The following NSF variants were observed in gnomAD, a reference collection of about 807,000 sequenced individuals.
NSF encodes the protein vesicle-fusing ATPase.
NSF carries 14 observed loss-of-function variants against 50.3 expected under a neutral mutation model. That is an observed-to-expected ratio of 0.28 (90% CI 0.18 to 0.44). The LOEUF (loss-of-function observed/expected upper bound fraction) is 0.44, where lower values mean the gene tolerates loss of function less well. Ranked by LOEUF, NSF falls within the 20% of genes least tolerant of loss-of-function variation. The pLI is 1.00. For synonymous variants in NSF, 109 were observed against 175.7 expected, an observed-to-expected ratio of 0.62 and a Z score of 3.00; for missense variants, 218 against 504.3, an observed-to-expected ratio of 0.43 and a Z score of 5.44.
Position 46,640,360 on chromosome 17 carries a change from ATAT to A in NSF, c.513+202_513+204del, listed in dbSNP as rs894263720. ...TAAAATGTATTTATTTGCAGACCTAATATTAATGTAAAATGTAGACGTATATGT... is the reference window on the plus strand; with the variant it reads ...TAAAATGTATTTATTTGCAGACCTAATAATGTAAAATGTAGACGTATATGT... On this transcript the variant is annotated intron_variant, in intron 6 of 20. Transcript: ENST00000398238. Among the ~76,000 whole-genome samples the A allele has an allele frequency of 1.9e-4, 24 of 123,972 alleles. 7 individuals carry two copies. Among genetic ancestry groups the A allele is most frequent in the African/African-American group, 7.8e-4 (24 of 30,782 alleles). 81.3% of individuals were successfully genotyped at this position (123,972 alleles called of 152,430 possible).
intron 16 of NSF, 88 bp from the exon 17 acceptor site, chr17:46,728,767 T>C: frequency 2.2e-6 from 2 of 904,232 alleles, no homozygotes; most frequent in East Asian, 5.1e-5. Context: ...GTGTTTACTT[T>C]TGATGCAAAA....
At chr17:46,738,933 C>T (rs1350957955) in intron 17 of NSF, among the ~76,000 whole-genome samples, 1 of 151,230 alleles carries the variant, frequency 6.6e-6, no homozygotes, top group Non-Finnish European at 1.5e-5. Context: ...AAAACCCCAT[C>T]TCTACTAAAA....
chr17:46,635,805 G>GTGTGTGTGTGTGTC (rs2058181612), intron 4 of NSF, among the ~76,000 whole-genome samples: 2 of 142,180 alleles, frequency 1.4e-5, no homozygotes, highest in Non-Finnish European at 3.2e-5. Flanking sequence ...GTGTGTGTGT[G>GTGTGTGTGTGTGTC]TGTGTGTGTG....
intron 13 of NSF, among the ~76,000 whole-genome samples, chr17:46,709,729 A>G (rs2097133982): frequency 6.6e-6 from 1 of 152,024 alleles, no homozygotes; most frequent in East Asian, 1.9e-4. Context: ...TCCATACCTC[A>G]GGTGATCCAC....
At chr17:46,746,024 C>T (rs2059124202) in intron 17 of NSF, among the ~76,000 whole-genome samples, 1 of 152,184 alleles carries the variant, frequency 6.6e-6, no homozygotes, top group African/African-American at 2.4e-5. Context: ...CCAGAAAAAG[C>T]TTTCTCTGCC....
rs1287657976 is a variant in NSF at position 46,675,649 on chromosome 17, C to A, written c.945+1036C>A. On this transcript the variant is annotated intron_variant, in intron 9 of 20. Transcript: ENST00000398238. Reference sequence around the variant, plus strand: ...TTATCATAAGGAAAACACACACACACACACACACACACACGAACATTCTAT... The same window carrying A: ...TTATCATAAGGAAAACACACACACAAACACACACACACACGAACATTCTAT... 8.8e-5 allele frequency among the ~76,000 whole-genome samples: 12 copies of A among 136,772 alleles called. 2 individuals carry two copies. Among genetic ancestry groups the A allele is most frequent in the African/African-American group, 3.2e-4 (11 of 34,160 alleles). 89.7% of individuals were successfully genotyped at this position (136,772 alleles called of 152,430 possible). A position where few individuals can be genotyped will look rare whatever the true frequency, so the allele number is the denominator to read the frequency against.
chr17:46,746,285 T>G (rs920484460), intron 17 of NSF, among the ~76,000 whole-genome samples: 1 of 152,266 alleles, frequency 6.6e-6, no homozygotes, highest in African/African-American at 2.4e-5. Context: ...CGCAGTCATC[T>G]GTTAAGCTAA....
Position 46,731,037 on chromosome 17 carries a change from G to A in NSF, c.1908+2103G>A, listed in dbSNP as rs1251187465. The stretch of plus-strand genomic sequence containing the variant: ...TATTCCACCAAGTATACACCTACAA[G>A]CAATGAAAAACATATGTCCACATGA... On this transcript the variant is annotated intron_variant, in intron 17 of 20. Coordinates refer to ENST00000398238, the MANE Select transcript of NSF (RefSeq NM_006178.4). 2.0e-5 allele frequency among the ~76,000 whole-genome samples: 3 copies of A among 151,956 alleles called. No individual in the cohort carries two copies. In the South Asian group the frequency reaches 6.2e-4, roughly 31 times the overall value.
At chr17:46,725,941 C>T (rs2058885116) in intron 15 of NSF, among the ~76,000 whole-genome samples, 1 of 152,170 alleles carries the variant, frequency 6.6e-6, no homozygotes, top group South Asian at 2.1e-4. Flanking sequence ...TACATCCTTG[C>T]CAGGCTAAAA....
chr17:46,625,909 C>T (rs1390684014), intron 2 of NSF, among the ~76,000 whole-genome samples: 1 of 122,054 alleles, frequency 8.2e-6, no homozygotes. Context: ...AAAAAAGATA[C>T]TGCTGCTGCA....
At chr17:46,729,093 A>G (rs2058922446) in intron 17 of NSF, among the ~76,000 whole-genome samples, 159 bp downstream of exon 17, 1 of 152,180 alleles carries the variant, frequency 6.6e-6, no homozygotes, top group Non-Finnish European at 1.5e-5. Flanking sequence ...TGTTTAAGGT[A>G]AATTATTTTA....
Position 46,728,839 on chromosome 17 carries a change from A to T in NSF, c.1829-16A>T. On this transcript the variant is annotated splice_polypyrimidine_tract_variant and intron_variant, in intron 16 of 20. Coordinates refer to ENST00000398238, the MANE Select transcript of NSF (RefSeq NM_006178.4). ...TGTGTATCAAATCCCTAAACATAAT[A>T]ATGTTTCTTTTCCAGATTACGTCCC... is the stretch of plus-strand genomic sequence containing the variant. 1 of 1,550,362 alleles carries T rather than the reference A, an allele frequency of 6.5e-7. No individual in the cohort carries two copies. The highest frequency in any genetic ancestry group is 8.8e-7 in the Non-Finnish European group (1 of 1,132,172).
Position 46,690,681 on chromosome 17 carries a change from CT to C in NSF, c.946-2221del, listed in dbSNP as rs2146227099. Among the ~76,000 whole-genome samples, 3 of 104,080 alleles carry C rather than the reference CT, an allele frequency of 2.9e-5. 1 individual carries two copies. Among genetic ancestry groups the C allele is most frequent in the African/African-American group, 1.1e-4 (3 of 26,516 alleles). The allele number at this position is 104,080 out of a possible 152,430, so 68.3% of individuals were successfully genotyped here. ...GAAAGGGTTTAAAATAATACCTGTA[CT>C]GAAAAACAGGATGCAAGGTATTACA... On this transcript the variant is annotated intron_variant, in intron 9 of 20. Coordinates refer to ENST00000398238, the MANE Select transcript of NSF (RefSeq NM_006178.4).
At chr17:46,666,145 G>A (rs1300398863) in intron 8 of NSF, among the ~76,000 whole-genome samples, 2 of 149,100 alleles carry the variant, frequency 1.3e-5, no homozygotes. Flanking sequence ...GGGAACTTTG[G>A]AAAATAAATA....
chr17:46,721,692 C>G, intron 15 of NSF: 1 of 1,606,614 alleles, frequency 6.2e-7, no homozygotes, highest in Non-Finnish European at 8.5e-7. Flanking sequence ...TGTGCTTTGT[C>G]CAAATGAACC....
rs1053748055 is a variant in NSF, at chr17:46,729,066, C to G, written c.1908+132C>G. 1.6e-5 allele frequency: 9 copies of G among 576,370 alleles called. No individual in the cohort carries two copies. In the South Asian group the frequency reaches 2.5e-4, roughly 16 times the overall value. 35.7% of individuals were successfully genotyped at this position (576,370 alleles called of 1,614,324 possible). On this transcript the variant is annotated intron_variant, in intron 17 of 20. Coordinates refer to ENST00000398238, the MANE Select transcript of NSF (RefSeq NM_006178.4). ...TGTTGTTGAAAGGATTTTGAAAGGT[C>G]GTCCAGTCTTGACTTCTGTTTAAGG...
At chr17:46,707,522 A>G (rs1284186307) in intron 13 of NSF, among the ~76,000 whole-genome samples, 1 of 152,102 alleles carries the variant, frequency 6.6e-6, no homozygotes, top group African/African-American at 2.4e-5. Context: ...CTCTATACCC[A>G]TTAAATAATA....
At chr17:46,725,657 A>G (rs952508958) in intron 15 of NSF, among the ~76,000 whole-genome samples, 1 of 152,176 alleles carries the variant, frequency 6.6e-6, no homozygotes, top group African/African-American at 2.4e-5. Context: ...TGGTTAAAAG[A>G]TACCCAGGAA....
At chr17:46,713,225 C>G (rs963060297) in intron 14 of NSF, 7 of 152,162 alleles carry the variant, frequency 4.6e-5, no homozygotes, top group Non-Finnish European at 7.3e-5. Flanking sequence ...AGGAAGAAGT[C>G]GAACATATGG....
Sources: gnomAD v4.1 joint callset for allele counts (sites outside exome capture counted in the v4.1 genomes callset) on GRCh38, gnomAD v4.1.1 for gene constraint, MANE v1.5 for transcripts, NCBI Gene and HGNC (gene_info 2026-07-23, HGNC 2026-07-21) for gene names.